Variants in MEGF11 observed in about 807,000 individuals in gnomAD.
MEGF11 encodes multiple EGF like domains 11.
In MEGF11, 126 loss-of-function variants were observed where a neutral mutation model predicts 146.6. The ratio of observed to expected loss-of-function variants is 0.86; its 90% confidence interval spans 0.74 to 1.00. MEGF11 has a LOEUF of 1.00. Ranked by LOEUF, MEGF11 falls within the 50% of genes least tolerant of loss-of-function variation. MEGF11 has a pLI of 0.00. For synonymous variants in MEGF11, 532 were observed against 583.4 expected, an observed-to-expected ratio of 0.91 and a Z score of 1.27; for missense variants, 1,509 against 1,521.2, an observed-to-expected ratio of 0.99 and a Z score of 0.13.
chr15:66,035,055 CT>C (rs1266954034), intron 5 of MEGF11, among the ~76,000 whole-genome samples: 1 of 152,094 alleles, frequency 6.6e-6, no homozygotes, highest in African/African-American at 2.4e-5. Context: ...AAAAAAAATC[CT>C]TTTCTTTATT....
intron 1 of MEGF11, among the ~76,000 whole-genome samples, chr15:66,204,037 G>A (rs911068624): frequency 6.6e-6 from 1 of 151,560 alleles, no homozygotes. Flanking sequence ...GAGCCCAGGT[G>A]TTTGAGACTA....
chr15:65,915,590 G>C lies in MEGF11; in HGVS notation c.2353C>G (p.Pro785Ala). 3 of 1,613,824 alleles carry C rather than the reference G, an allele frequency of 1.9e-6. 1 individual carries two copies. The highest frequency in any genetic ancestry group is 1.3e-5 in the African/African-American group (1 of 75,024). ...TGQHCEQRCA[P>A]GTFGYGCQQL... ...TGACACCCATAGCCAAAGGTTCCTG[G>C]GGCACATCCTGTGTGGCACAAAGAG... The change falls in exon 19 of 26, where the codon CCA (proline) becomes GCA (alanine). Residue 785 changes from proline (P) to alanine (A), a missense_variant. By Grantham distance (27) the Pro-to-Ala change is conservative. Coordinates refer to ENST00000395614, the MANE Select transcript of MEGF11 (RefSeq NM_001385028.1).
chr15:66,112,944 T>C (rs1376783215), intron 4 of MEGF11, among the ~76,000 whole-genome samples: 1 of 151,712 alleles, frequency 6.6e-6, no homozygotes, highest in Non-Finnish European at 1.5e-5. Context: ...CCTAGGAGAG[T>C]GATGCAAGAG....
In MEGF11 at chr15:66,052,744, C is replaced by G. The variant is rs906153126; in HGVS notation, c.394+41658G>C. ...GGCTGCACTAGGGGGCTTCTAGGAACCTTCTGAGGCCCTCCCATCTTTGAA... is the reference window on the plus strand; with the variant it reads ...GGCTGCACTAGGGGGCTTCTAGGAAGCTTCTGAGGCCCTCCCATCTTTGAA... On this transcript the variant is annotated intron_variant, in intron 5 of 25. Coordinates refer to ENST00000395614, the MANE Select transcript of MEGF11 (RefSeq NM_001385028.1). 3.3e-5 allele frequency among the ~76,000 whole-genome samples: 5 copies of G among 152,308 alleles called. No individual in the cohort carries two copies. In the South Asian group the frequency reaches 1.0e-3, roughly 32 times the overall value.
At chr15:66,128,814 T>C (rs768733841) in intron 1 of MEGF11, among the ~76,000 whole-genome samples, 36 of 152,146 alleles carry the variant, frequency 2.4e-4, no homozygotes, top group Non-Finnish European at 4.9e-4. Flanking sequence ...TCCCTCATCA[T>C]TGACATTCTT....
intron 10 of MEGF11, among the ~76,000 whole-genome samples, chr15:65,953,907 A>C (rs2080487482): frequency 6.6e-6 from 1 of 152,010 alleles, no homozygotes. Flanking sequence ...TGAGCCCGAG[A>C]CCATTCTCAG....
intron 1 of MEGF11, among the ~76,000 whole-genome samples, chr15:66,197,585 G>C (rs1317833286): frequency 6.6e-6 from 1 of 152,088 alleles, no homozygotes; most frequent in Non-Finnish European, 1.5e-5. Flanking sequence ...ACCATGCCCG[G>C]CTAATTTTTT....
At chr15:66,036,773 C>T (rs2083743062) in intron 5 of MEGF11, among the ~76,000 whole-genome samples, 1 of 152,170 alleles carries the variant, frequency 6.6e-6, no homozygotes, top group Non-Finnish European at 1.5e-5. Context: ...AGATTGGTAC[C>T]CAGCTTGGCA....
At chr15:66,200,719 A>G (rs2091135863) in intron 1 of MEGF11, among the ~76,000 whole-genome samples, 1 of 152,178 alleles carries the variant, frequency 6.6e-6, no homozygotes, top group African/African-American at 2.4e-5. Flanking sequence ...GAACCTTCCT[A>G]TTATTAGCAT....
chr15:65,919,510 CAT>C (rs1476644429), intron 15 of MEGF11, among the ~76,000 whole-genome samples: 3 of 152,012 alleles, frequency 2.0e-5, no homozygotes, highest in Non-Finnish European at 4.4e-5. Context: ...AAACAATGTA[CAT>C]GTCTTGATTA....
chr15:66,245,710 C>T (rs532391278), intron 1 of MEGF11, among the ~76,000 whole-genome samples: 1 of 152,250 alleles, frequency 6.6e-6, no homozygotes, highest in South Asian at 2.1e-4. Context: ...CCCAGAGCAA[C>T]ATATTGGATT....
At chr15:66,179,121 G>A (rs2090472088) in intron 1 of MEGF11, among the ~76,000 whole-genome samples, 1 of 152,034 alleles carries the variant, frequency 6.6e-6, no homozygotes, top group African/African-American at 2.4e-5. Flanking sequence ...CTAGGAGGTT[G>A]GTGACTCTGT....
chr15:65,998,350 T>G (rs1204679266), intron 5 of MEGF11, among the ~76,000 whole-genome samples: 5 of 152,078 alleles, frequency 3.3e-5, no homozygotes, highest in Non-Finnish European at 7.4e-5. Flanking sequence ...GCCGGTGAGA[T>G]GCACTCCCCT....
intron 1 of MEGF11, among the ~76,000 whole-genome samples, chr15:66,141,283 T>A (rs141463146): frequency 0.1 from 9,164 of 89,232 alleles, 456 homozygotes; most frequent in African/African-American, 0.11. Context: ...TGTGTGTGTG[T>A]GTGTGTGAGA....
chr15:66,053,504 C>A (rs1439425361), intron 5 of MEGF11, among the ~76,000 whole-genome samples: 1 of 151,850 alleles, frequency 6.6e-6, no homozygotes, highest in African/African-American at 2.4e-5. Context: ...TATTTAGTTC[C>A]CCAACCCAAC....
chr15:66,139,713 A>G (rs2089057394), intron 1 of MEGF11, among the ~76,000 whole-genome samples: 1 of 152,164 alleles, frequency 6.6e-6, no homozygotes, highest in Non-Finnish European at 1.5e-5. Flanking sequence ...AGAATTATCA[A>G]TCAATTCTGT....
intron 15 of MEGF11, 125 bp from the exon 16 acceptor site, chr15:65,918,219 G>T: frequency 7.2e-7 from 1 of 1,380,012 alleles, no homozygotes; most frequent in Admixed American, 2.0e-5. Context: ...GGATCTGGAT[G>T]GAGACCACGC....
intron 5 of MEGF11, among the ~76,000 whole-genome samples, chr15:66,078,227 G>A (rs12901123): frequency 0.96 from 146,784 of 152,302 alleles, 70,965 homozygotes; most frequent in East Asian, 1. Flanking sequence ...TCTCTAGGAC[G>A]GTGTGTAGAG....
At chr15:66,204,727 C>T (rs532767219) in intron 1 of MEGF11, among the ~76,000 whole-genome samples, 115 of 152,336 alleles carry the variant, frequency 7.5e-4, no homozygotes, top group African/African-American at 2.7e-3. Context: ...TCCTCTTCTG[C>T]ATTTCCCTAC....
Sources: allele counts gnomAD v4.1 joint callset (sites outside exome capture counted in the v4.1 genomes callset), GRCh38; gene constraint gnomAD v4.1.1; transcripts MANE v1.5; gene names NCBI Gene and HGNC (gene_info 2026-07-23, HGNC 2026-07-21).